The following GLIPR1L1 variants were observed in gnomAD, a reference collection of about 807,000 sequenced individuals.
GLIPR1L1 encodes the protein GLIPR1 like 1.
A neutral mutation model predicts 29.9 loss-of-function variants in GLIPR1L1; 26 were observed. The observed-to-expected ratio is 0.87, with a 90% CI of 0.64 to 1.21. The LOEUF (loss-of-function observed/expected upper bound fraction) is 1.21. GLIPR1L1 is among the 50% of genes most tolerant of loss of function. The probability of loss-of-function intolerance (pLI) is 0.00; values close to 1 mark genes in which losing one functional copy is unlikely to be tolerated. For synonymous variants in GLIPR1L1, 77 were observed against 97.5 expected (o/e 0.79, Z 1.24); for missense variants, 305 against 290.3 (o/e 1.05, Z -0.37).
intron 1 of GLIPR1L1, among the ~76,000 whole-genome samples, chr12:75,338,534 G>T (rs2041884679): frequency 6.6e-6 from 1 of 151,448 alleles, no homozygotes; most frequent in Non-Finnish European, 1.5e-5. Context: ...TTTCCTGTAG[G>T]TTTTTTTAAT....
chr12:75,355,533 C>T (rs1565986240), intron 3 of GLIPR1L1, among the ~76,000 whole-genome samples: 1 of 151,958 alleles, frequency 6.6e-6, no homozygotes, highest in Non-Finnish European at 1.5e-5. Flanking sequence ...GGAATGTACA[C>T]TCCACAATAG....
chr12:75,356,569 G>A (rs1325729575), intron 3 of GLIPR1L1, among the ~76,000 whole-genome samples: 1 of 151,944 alleles, frequency 6.6e-6, no homozygotes, highest in Non-Finnish European at 1.5e-5. Flanking sequence ...AGCCAACAAA[G>A]CAGGTAAAAT....
intron 1 of GLIPR1L1, among the ~76,000 whole-genome samples, chr12:75,337,438 GGATA>G (rs564734718): frequency 3.6e-4 from 54 of 151,898 alleles, no homozygotes; most frequent in Admixed American, 9.8e-4. Flanking sequence ...CACATTAAAT[GGATA>G]GATAGAGAAT....
intron 3 of GLIPR1L1, among the ~76,000 whole-genome samples, chr12:75,357,845 A>G (rs1281448464): frequency 6.6e-6 from 1 of 151,914 alleles, no homozygotes; most frequent in African/African-American, 2.4e-5. Flanking sequence ...ATGCTATTAA[A>G]ACAGTAATTA....
chr12:75,334,680 T>C lies in GLIPR1L1; in HGVS notation c.-49T>C. The C allele has an allele frequency of 6.3e-7, 1 of 1,582,316 alleles. No individual in the cohort carries two copies. Among genetic ancestry groups the C allele is most frequent in the Non-Finnish European group, 8.6e-7 (1 of 1,164,044 alleles). The stretch of plus-strand genomic sequence containing the variant: ...TGGGGAAATCGGGTTGCCCCAGCCG[T>C]TACTGGTCCGCGCAGTCAGGGCATC... On this transcript the variant is annotated 5_prime_UTR_variant, in exon 1 of 6. Coordinates refer to ENST00000378695, the MANE Select transcript of GLIPR1L1 (RefSeq NM_001304964.2).
rs531357408 is a variant in GLIPR1L1 at position 75,346,422 on chromosome 12, G to T, written c.421-1200G>T. ...TTTTTTTTTTTTGAGACGGAGTCTC[G>T]CCCTGTAACCCAGACTGGAGTACAG... is the stretch of plus-strand genomic sequence containing the variant. On this transcript the variant is annotated intron_variant, in intron 2 of 5. Coordinates refer to ENST00000378695, the MANE Select transcript of GLIPR1L1 (RefSeq NM_001304964.2). Among the ~76,000 whole-genome samples the T allele has an allele frequency of 7.4e-5, 11 of 149,636 alleles. No homozygotes were observed. In the South Asian group the frequency reaches 2.3e-3, roughly 32 times the overall value.
At chr12:75,335,850 T>G (rs755760571) in intron 1 of GLIPR1L1, among the ~76,000 whole-genome samples, 5 of 152,014 alleles carry the variant, frequency 3.3e-5, no homozygotes, top group Non-Finnish European at 5.9e-5. Context: ...GAAATAAATC[T>G]TCAACGGAAT....
chr12:75,355,430 C>A (rs2043090215), intron 3 of GLIPR1L1, among the ~76,000 whole-genome samples: 1 of 152,192 alleles, frequency 6.6e-6, no homozygotes, highest in South Asian at 2.1e-4. Context: ...GATACCATCT[C>A]ATGCCAGTCA....
chr12:75,354,910 G>A (rs776269386), intron 3 of GLIPR1L1, among the ~76,000 whole-genome samples: 13 of 152,196 alleles, frequency 8.5e-5, no homozygotes, highest in Non-Finnish European at 1.3e-4. Context: ...ATGGTGCTGG[G>A]AGAACAGGCT....
At chr12:75,346,445 C>G (rs542041982) in intron 2 of GLIPR1L1, among the ~76,000 whole-genome samples, 1 of 151,658 alleles carries the variant, frequency 6.6e-6, no homozygotes, top group African/African-American at 2.4e-5. Context: ...GACTGGAGTA[C>G]AGTGGCGTGA....
At chr12:75,344,309 G>A (rs1037427037) in intron 2 of GLIPR1L1, among the ~76,000 whole-genome samples, 1 of 151,890 alleles carries the variant, frequency 6.6e-6, no homozygotes, top group Non-Finnish European at 1.5e-5. Flanking sequence ...TGATGCTCTT[G>A]TCTTTTTTCT....
chr12:75,358,261 C>T (rs2043285509), intron 3 of GLIPR1L1, among the ~76,000 whole-genome samples: 1 of 151,620 alleles, frequency 6.6e-6, no homozygotes, highest in African/African-American at 2.4e-5. Context: ...ACAAAAATTA[C>T]ACAGGAGAAA....
intron 4 of GLIPR1L1, chr12:75,369,689 T>C (rs1445993627): frequency 1.0e-6 from 1 of 983,676 alleles, no homozygotes; most frequent in African/African-American, 1.7e-5. Context: ...AAAATAAAGT[T>C]AACTACTTTA....
At chr12:75,337,927 T>C (rs1049021359) in intron 1 of GLIPR1L1, among the ~76,000 whole-genome samples, 1 of 152,098 alleles carries the variant, frequency 6.6e-6, no homozygotes, top group Admixed American at 6.5e-5. Flanking sequence ...ATTTAACCAA[T>C]GTATGAATGA....
chr12:75,356,732 CA>C (rs1247288908), intron 3 of GLIPR1L1, among the ~76,000 whole-genome samples: 4 of 151,978 alleles, frequency 2.6e-5, no homozygotes, highest in Non-Finnish European at 5.9e-5. Flanking sequence ...ATAAATGCCC[CA>C]AACTAAAAAA....
chr12:75,363,047 C>T, intron 3 of GLIPR1L1, 55 bp from the exon 4 acceptor site: 1 of 918,582 alleles, frequency 1.1e-6, no homozygotes, highest in Non-Finnish European at 1.7e-6. Context: ...CATGCATGAA[C>T]AAAATTGGAG....
chr12:75,366,706 T>C, intron 4 of GLIPR1L1: 6 of 561,990 alleles, frequency 1.1e-5, no homozygotes, highest in Non-Finnish European at 1.6e-5. Context: ...GTGTTGCAGA[T>C]CAATGTGTGC....
At chr12:75,350,452 T>C (rs1424617723) in intron 3 of GLIPR1L1, among the ~76,000 whole-genome samples, 1 of 152,154 alleles carries the variant, frequency 6.6e-6, no homozygotes, top group Non-Finnish European at 1.5e-5. Context: ...CTGGCGGGCA[T>C]CAGGTCAATG....
chr12:75,363,943 G>T (rs2043792308), intron 4 of GLIPR1L1, among the ~76,000 whole-genome samples: 2 of 152,316 alleles, frequency 1.3e-5, no homozygotes, highest in South Asian at 4.1e-4. Context: ...GTCAAAGGCA[G>T]ATTCAAAGAT....
Sources: gnomAD v4.1 joint callset for allele counts (sites outside exome capture counted in the v4.1 genomes callset) on GRCh38, gnomAD v4.1.1 for gene constraint, MANE v1.5 for transcripts, NCBI Gene and HGNC (gene_info 2026-07-23, HGNC 2026-07-21) for gene names.